The following DOCK4 variants were observed in gnomAD, a reference collection of about 807,000 sequenced individuals.
DOCK4 encodes the protein dedicator of cytokinesis protein 4.
DOCK4 carries 97 observed loss-of-function variants against 268.1 expected under a neutral mutation model. That is an observed-to-expected ratio of 0.36 (90% CI 0.31 to 0.43). DOCK4 has a LOEUF of 0.43. Among genes scored for constraint, DOCK4 ranks in the 20% least tolerant of loss-of-function variants. The pLI is 1.00. For synonymous variants in DOCK4, 954 were observed against 887.2 expected, an observed-to-expected ratio of 1.08 and a Z score of -1.34; for missense variants, 2,145 against 2,455.7, an observed-to-expected ratio of 0.87 and a Z score of 2.67.
In DOCK4 at chr7:111,832,809, G is replaced by A. The variant is rs115920186; in HGVS notation, c.2835+1779C>T. 1.1e-3 allele frequency among the ~76,000 whole-genome samples: 164 copies of A among 152,312 alleles called. 2 individuals carry two copies. Among genetic ancestry groups the A allele is most frequent in the African/African-American group, 3.7e-3 (154 of 41,592 alleles). On this transcript the variant is annotated intron_variant, in intron 26 of 52. Coordinates refer to ENST00000428084, the MANE Select transcript of DOCK4 (RefSeq NM_001363540.2). ...TGCTGGGATTACAGGCCTGAGCCAC[G>A]GCGCCCCGCCAGCCTCAGTAATTTT...
intron 3 of DOCK4, 131 bp downstream of exon 3, chr7:112,000,363 A>C: frequency 1.8e-6 from 1 of 568,436 alleles, no homozygotes; most frequent in Middle Eastern, 5.1e-4. Context: ...TTCCAAAATT[A>C]TAAAAATTTG....
chr7:111,836,202 C>T (rs1243835967), intron 25 of DOCK4, among the ~76,000 whole-genome samples: 1 of 138,640 alleles, frequency 7.2e-6, no homozygotes, highest in Non-Finnish European at 1.6e-5. Context: ...ATAATAGAGC[C>T]TTTTTTTTTT....
chr7:111,726,144 C>T lies in DOCK4; in HGVS notation c.*2130G>A, dbSNP rs1252784337. On this transcript the variant is annotated 3_prime_UTR_variant, in exon 53 of 53. Transcript: ENST00000428084. The stretch of plus-strand genomic sequence containing the variant: ...ATCTGGTAATTTTATTTAATATTTA[C>T]CATTCAGCAGCAACCAACATGAACA... The T allele has an allele frequency of 6.6e-6, 1 of 152,454 alleles. No homozygotes were observed. The highest frequency in any genetic ancestry group is 2.4e-5 in the African/African-American group (1 of 41,400). 9.4% of individuals were successfully genotyped at this position (152,454 alleles called of 1,614,324 possible). A position where few individuals can be genotyped will look rare whatever the true frequency, so the allele number is the denominator to read the frequency against.
At chr7:112,127,754 G>C (rs972177029) in intron 1 of DOCK4, among the ~76,000 whole-genome samples, 2 of 152,098 alleles carry the variant, frequency 1.3e-5, no homozygotes, top group African/African-American at 4.8e-5. Flanking sequence ...AGCTTGGCTG[G>C]GTGCGGCGGC....
chr7:111,766,852 A>C (rs552020081), intron 38 of DOCK4, among the ~76,000 whole-genome samples, 180 bp downstream of exon 38: 7 of 152,332 alleles, frequency 4.6e-5, no homozygotes, highest in African/African-American at 1.7e-4. Flanking sequence ...TTTTATATTA[A>C]ATAAAAGCAT....
chr7:111,940,376 C>A, intron 10 of DOCK4, 134 bp from the exon 11 acceptor site: 1 of 1,151,104 alleles, frequency 8.7e-7, no homozygotes, highest in Non-Finnish European at 1.3e-6. Context: ...TTGGGCGTAA[C>A]AGAAGATATT....
intron 12 of DOCK4, among the ~76,000 whole-genome samples, chr7:111,928,764 T>C (rs953872041): frequency 1.3e-5 from 2 of 151,984 alleles, no homozygotes; most frequent in African/African-American, 4.8e-5. Flanking sequence ...AATTTTTGTA[T>C]TTTTAGTAGA....
At chr7:112,083,354 T>G (rs1808770152) in intron 1 of DOCK4, among the ~76,000 whole-genome samples, 1 of 152,076 alleles carries the variant, frequency 6.6e-6, no homozygotes, top group Admixed American at 6.6e-5. Flanking sequence ...CCCCTAGTTG[T>G]TCTGTGAGTT....
chr7:112,091,988 A>G (rs1314186073), intron 1 of DOCK4, among the ~76,000 whole-genome samples: 1 of 152,074 alleles, frequency 6.6e-6, no homozygotes, highest in Admixed American at 6.5e-5. Context: ...TGCTCTCACT[A>G]TCTAACCAGA....
chr7:112,078,230 C>G lies in DOCK4; in HGVS notation c.38-74099G>C, dbSNP rs1235214354. ...ATGCTTAATTAGTTTACATCTAAAT[C>G]TGAGCTTTCCTTGAAAACAAACACA... On this transcript the variant is annotated intron_variant, in intron 1 of 52. Coordinates refer to ENST00000428084, the MANE Select transcript of DOCK4 (RefSeq NM_001363540.2). Among the ~76,000 whole-genome samples the G allele has an allele frequency of 5.9e-5, 9 of 152,162 alleles. No homozygotes were observed. The East Asian group carries it at 1.5e-3, about 26-fold the overall frequency.
At chr7:112,088,262 G>A (rs181610834) in intron 1 of DOCK4, among the ~76,000 whole-genome samples, 2 of 152,212 alleles carry the variant, frequency 1.3e-5, no homozygotes, top group African/African-American at 4.8e-5. Context: ...CTCAGTCCAT[G>A]GCTAGATAAA....
At chr7:112,011,857 C>T (rs1425116170) in intron 1 of DOCK4, among the ~76,000 whole-genome samples, 1 of 149,182 alleles carries the variant, frequency 6.7e-6, no homozygotes, top group Non-Finnish European at 1.5e-5. Flanking sequence ...TTGGCAACAG[C>T]CAGTCAAAAG....
rs1802646764 is a variant in DOCK4, at chr7:111,829,448, GCAC to G, written c.2835+5137_2835+5139del. Among the ~76,000 whole-genome samples the G allele has an allele frequency of 2.6e-5, 4 of 152,156 alleles. No individual in the cohort carries two copies. The South Asian group carries it at 8.3e-4, about 32-fold the overall frequency. Reference sequence around the variant, plus strand: ...AGGGAGAGGATGAAATGTGGGTTAAGCACCACAACTGGCTCATGGCTGTGGGAT... The same window carrying G: ...AGGGAGAGGATGAAATGTGGGTTAAGCACAACTGGCTCATGGCTGTGGGAT... On this transcript the variant is annotated intron_variant, in intron 26 of 52. Coordinates refer to ENST00000428084, the MANE Select transcript of DOCK4 (RefSeq NM_001363540.2).
chr7:112,200,092 A>C (rs1357656086), intron 1 of DOCK4, among the ~76,000 whole-genome samples: 1 of 152,206 alleles, frequency 6.6e-6, no homozygotes, highest in Non-Finnish European at 1.5e-5. Context: ...ACTTCACAGA[A>C]ACCCAGTAAG....
intron 1 of DOCK4, among the ~76,000 whole-genome samples, chr7:112,019,282 T>C (rs1451107928): frequency 2.0e-5 from 3 of 152,176 alleles, no homozygotes; most frequent in Non-Finnish European, 4.4e-5. Flanking sequence ...AGAGCTCAAA[T>C]GACTAAGCAT....
intron 22 of DOCK4, among the ~76,000 whole-genome samples, chr7:111,865,541 T>C (rs978690165): frequency 6.6e-6 from 1 of 152,248 alleles, no homozygotes; most frequent in Non-Finnish European, 1.5e-5. Flanking sequence ...TATTTGGCTG[T>C]AAATGTGGCA....
intron 1 of DOCK4, among the ~76,000 whole-genome samples, chr7:112,009,141 C>T (rs1048499522): frequency 6.6e-6 from 1 of 152,184 alleles, no homozygotes; most frequent in Non-Finnish European, 1.5e-5. Context: ...CACATGCTGC[C>T]CTTGCCCTTT....
chr7:111,815,159 T>G (rs574080220), intron 27 of DOCK4, among the ~76,000 whole-genome samples: 1 of 152,308 alleles, frequency 6.6e-6, no homozygotes, highest in African/African-American at 2.4e-5. Flanking sequence ...TAATGTGGCA[T>G]GTGGGTCTAT....
intron 17 of DOCK4, among the ~76,000 whole-genome samples, chr7:111,874,877 T>A (rs909146467): frequency 6.6e-6 from 1 of 152,232 alleles, no homozygotes; most frequent in Non-Finnish European, 1.5e-5. Context: ...AATTCTGAAA[T>A]GCAAATTTGC....
Sources: gnomAD v4.1 joint callset for allele counts (sites outside exome capture counted in the v4.1 genomes callset) on GRCh38, gnomAD v4.1.1 for gene constraint, MANE v1.5 for transcripts, NCBI Gene and HGNC (gene_info 2026-07-23, HGNC 2026-07-21) for gene names.